Variants in GLIS3 observed in about 807,000 individuals in gnomAD.
GLIS3 encodes the protein zinc finger protein GLIS3.
Under a neutral mutation model 78.6 loss-of-function variants are expected in GLIS3, and 53 were observed. The observed-to-expected ratio is 0.67, with a 90% confidence interval of 0.54 to 0.85. The LOEUF is 0.85. Among genes scored for constraint, GLIS3 ranks in the 40% least tolerant of loss-of-function variants. The pLI is 0.00. For missense variants in GLIS3, 1,703 were observed against 1,231.1 expected, an observed-to-expected ratio of 1.38 and a Z score of -5.74; for synonymous variants, 684 against 509.9, an observed-to-expected ratio of 1.34 and a Z score of -4.60.
intron 4 of GLIS3, among the ~76,000 whole-genome samples, chr9:3,955,705 C>T (rs776766359): frequency 3.3e-5 from 5 of 152,056 alleles, no homozygotes; most frequent in Non-Finnish European, 7.4e-5. Flanking sequence ...TTAATTTTCT[C>T]TCCCTGCATT....
the GLIS3 span, among the ~76,000 whole-genome samples, chr9:4,462,394 C>A: frequency 6.6e-6 from 1 of 152,132 alleles, no homozygotes; most frequent in South Asian, 2.1e-4. Context: ...TGTTTTCAGA[C>A]TTGTACACTG....
At chr9:4,015,209 G>C (rs768161598) in intron 4 of GLIS3, among the ~76,000 whole-genome samples, 1 of 152,188 alleles carries the variant, frequency 6.6e-6, no homozygotes, top group Non-Finnish European at 1.5e-5. Flanking sequence ...ATGGAAGGCC[G>C]TGTGTGCAGG....
the GLIS3 span, among the ~76,000 whole-genome samples, chr9:4,362,922 G>T: frequency 6.6e-6 from 1 of 152,134 alleles, no homozygotes; most frequent in Non-Finnish European, 1.5e-5. Context: ...GGAGGAAGGA[G>T]AGAGATGAAG....
Position 3,977,720 on chromosome 9 carries a change from C to T in GLIS3, c.1711-40531G>A, listed in dbSNP as rs370327587. 6.6e-5 allele frequency among the ~76,000 whole-genome samples: 10 copies of T among 152,270 alleles called. No individual in the cohort carries two copies. The South Asian group carries it at 1.7e-3, about 25-fold the overall frequency. On this transcript the variant is annotated intron_variant, in intron 4 of 10. Transcript: ENST00000381971. The surrounding 1 kb of genome is among the most constrained non-coding windows in gnomAD (Gnocchi z 4.1). ...ACTTTACTTTAATAGTTCTTTTATA[C>T]AAGTACATATTTCAGAAGTTTGCAA... is the stretch of plus-strand genomic sequence containing the variant.
Position 4,051,454 on chromosome 9 carries a change from T to C in GLIS3, c.1710+66314A>G, listed in dbSNP as rs566494528. On this transcript the variant is annotated intron_variant, in intron 4 of 10. Coordinates refer to ENST00000381971, the MANE Select transcript of GLIS3 (RefSeq NM_001042413.2). Reference sequence around the variant, plus strand: ...AGCTTTGTATCTAAGCCTAAATGTATCAAAATCCATCCCTTGAAAAATGTA... The same window carrying C: ...AGCTTTGTATCTAAGCCTAAATGTACCAAAATCCATCCCTTGAAAAATGTA... 3.9e-5 allele frequency among the ~76,000 whole-genome samples: 6 copies of C among 152,180 alleles called. No individual in the cohort carries two copies. The South Asian group carries it at 1.0e-3, about 26-fold the overall frequency.
chr9:4,065,096 G>C (rs1826982085), intron 4 of GLIS3, among the ~76,000 whole-genome samples: 1 of 152,186 alleles, frequency 6.6e-6, no homozygotes, highest in African/African-American at 2.4e-5. Context: ...CAAGAGTATA[G>C]AGCTGGCTAT....
chr9:4,079,404 G>T (rs1419134721), intron 4 of GLIS3, among the ~76,000 whole-genome samples: 1 of 152,180 alleles, frequency 6.6e-6, no homozygotes, highest in Admixed American at 6.5e-5. Context: ...TAAACTGCAG[G>T]ATTTGCAAGC....
chr9:4,459,015 G>A, the GLIS3 span, among the ~76,000 whole-genome samples: 3 of 152,222 alleles, frequency 2.0e-5, no homozygotes, highest in East Asian at 5.8e-4. Context: ...TAGGATTTGG[G>A]CTTTTACTCT....
chr9:4,213,054 C>G (rs1454592784), intron 2 of GLIS3, among the ~76,000 whole-genome samples: 5 of 152,204 alleles, frequency 3.3e-5, no homozygotes, highest in Non-Finnish European at 7.3e-5. Context: ...TGGAAAAAAA[C>G]TATTTCCCTT....
chr9:4,475,524 A>G, the GLIS3 span, among the ~76,000 whole-genome samples: 5 of 152,222 alleles, frequency 3.3e-5, no homozygotes, highest in African/African-American at 1.2e-4. Context: ...TGTTAAATAA[A>G]CTATGGATAC....
At chr9:4,213,506 C>A (rs1410942691) in intron 2 of GLIS3, among the ~76,000 whole-genome samples, 1 of 152,182 alleles carries the variant, frequency 6.6e-6, no homozygotes, top group East Asian at 1.9e-4. Context: ...CTATGGTTGC[C>A]ACTAACTACG....
At chr9:4,078,687 C>G (rs1432913177) in intron 4 of GLIS3, among the ~76,000 whole-genome samples, 1 of 152,184 alleles carries the variant, frequency 6.6e-6, no homozygotes, top group Non-Finnish European at 1.5e-5. Flanking sequence ...AAGGACAGGT[C>G]AGCATTTTTC....
At chr9:4,447,442 C>G in the GLIS3 span, among the ~76,000 whole-genome samples, 3 of 152,130 alleles carry the variant, frequency 2.0e-5, no homozygotes, top group Non-Finnish European at 4.4e-5. Context: ...AATCTCCCAA[C>G]CACAGCACCA....
At chr9:4,390,408 C>T in the GLIS3 span, among the ~76,000 whole-genome samples, 2 of 151,894 alleles carry the variant, frequency 1.3e-5, no homozygotes, top group Non-Finnish European at 2.9e-5. Flanking sequence ...CTCAGCCTCC[C>T]AAGCTGTAGT....
chr9:4,248,844 GATGAC>G (rs1455292894), intron 2 of GLIS3, among the ~76,000 whole-genome samples: 1 of 152,160 alleles, frequency 6.6e-6, no homozygotes, highest in Non-Finnish European at 1.5e-5. Flanking sequence ...GACCAGTGAT[GATGAC>G]ATTTTTTTCA....
chr9:4,186,220 T>C (rs1161860446), intron 2 of GLIS3, among the ~76,000 whole-genome samples: 3 of 145,336 alleles, frequency 2.1e-5, no homozygotes, highest in South Asian at 4.8e-4. Context: ...CATTGTTCAA[T>C]TCTCACCTAT....
At chr9:4,223,293 C>T (rs920867817) in intron 2 of GLIS3, among the ~76,000 whole-genome samples, 1 of 152,210 alleles carries the variant, frequency 6.6e-6, no homozygotes, top group Admixed American at 6.5e-5. Context: ...TACTGTGTCA[C>T]TTTGGACAAG....
At chr9:4,169,592 T>G (rs942408510) in intron 2 of GLIS3, among the ~76,000 whole-genome samples, 1 of 152,264 alleles carries the variant, frequency 6.6e-6, no homozygotes, top group African/African-American at 2.4e-5. Flanking sequence ...TATTTATCAC[T>G]GTTAGTTTCC....
intron 4 of GLIS3, among the ~76,000 whole-genome samples, chr9:4,111,350 A>T (rs2130845550): frequency 6.6e-6 from 1 of 152,344 alleles, no homozygotes; most frequent in South Asian, 2.1e-4. Context: ...TCATCCTAGA[A>T]TCACAGGGCA....
Sources: allele counts gnomAD v4.1 joint callset (sites outside exome capture counted in the v4.1 genomes callset), GRCh38; gene constraint gnomAD v4.1.1; non-coding constraint Gnocchi (gnomAD v3.1); transcripts MANE v1.5; gene names NCBI Gene and HGNC (gene_info 2026-07-23, HGNC 2026-07-21).